The following PUM2 variants were observed in gnomAD, a reference collection of about 807,000 sequenced individuals.
The protein encoded by PUM2 is pumilio homolog 2.
A neutral mutation model predicts 124.5 loss-of-function variants in PUM2; 57 were observed. The observed-to-expected ratio is 0.46, with a 90% CI of 0.37 to 0.57. PUM2 has a LOEUF of 0.57. Among genes scored for constraint, PUM2 ranks in the 20% least tolerant of loss-of-function variants. The pLI, the probability that PUM2 is intolerant of heterozygous loss-of-function variation, is 0.00. For synonymous variants in PUM2, 460 were observed against 446.1 expected (o/e 1.03, Z -0.39); for missense variants, 1,065 against 1,290.6 (o/e 0.83, Z 2.68).
chr2:20,316,899 C>T (rs954022312), intron 3 of PUM2, among the ~76,000 whole-genome samples: 5 of 151,914 alleles, frequency 3.3e-5, no homozygotes, highest in East Asian at 1.9e-4. Context: ...GCTGTGGTAG[C>T]GAGCACCTAT....
intron 2 of PUM2, 152 bp downstream of exon 2, chr2:20,327,158 C>T (rs1238456127): frequency 1.8e-6 from 1 of 554,510 alleles, no homozygotes; most frequent in Non-Finnish European, 3.1e-6. Context: ...AAAATCACAA[C>T]AGAATTGTAC....
At chr2:20,313,835 CAAAAAAAAAAAAAA>C (rs35569645) in intron 3 of PUM2, among the ~76,000 whole-genome samples, 4 of 55,028 alleles carry the variant, frequency 7.3e-5, no homozygotes, top group Admixed American at 2.9e-4. Context: ...GATCCTGTCT[CAAAAAAAAAAAAAA>C]AAAAAAAAAA....
At chr2:20,257,167 T>C (rs1319366321) in intron 16 of PUM2, among the ~76,000 whole-genome samples, 1 of 151,602 alleles carries the variant, frequency 6.6e-6, no homozygotes, top group African/African-American at 2.4e-5. Context: ...TTTAAAAATA[T>C]CTATACCAGT....
At chr2:20,274,097 T>A (rs1004172363) in intron 13 of PUM2, among the ~76,000 whole-genome samples, 7 of 152,142 alleles carry the variant, frequency 4.6e-5, no homozygotes, top group Admixed American at 6.5e-5. Context: ...ATTCACTGGT[T>A]TGGGAAAGTC....
At chr2:20,265,787 A>G (rs1186345956) in intron 13 of PUM2, among the ~76,000 whole-genome samples, 2 of 152,116 alleles carry the variant, frequency 1.3e-5, no homozygotes, top group Admixed American at 1.3e-4. Context: ...TATTTTTCAC[A>G]CAAATTTCTT....
intron 3 of PUM2, among the ~76,000 whole-genome samples, chr2:20,315,734 G>A (rs1162852075): frequency 6.6e-6 from 1 of 151,214 alleles, no homozygotes; most frequent in Non-Finnish European, 1.5e-5. Context: ...GCTGAGGCAG[G>A]TGGATTGTTT....
At chr2:20,300,236 G>C (rs563939141) in intron 7 of PUM2, among the ~76,000 whole-genome samples, 2 of 151,674 alleles carry the variant, frequency 1.3e-5, no homozygotes, top group African/African-American at 4.8e-5. Context: ...CACAACCTCC[G>C]CCTCCCGGGT....
At position 20,308,567 on chromosome 2, in the gene PUM2, C is replaced by T. The variant is rs372196772; in HGVS notation, c.536G>A (p.Arg179His). 3.6e-5 allele frequency: 58 copies of T among 1,612,178 alleles called. No individual in the cohort carries two copies. The highest frequency in any genetic ancestry group is 1.6e-4 in the Middle Eastern group (1 of 6,062). Reference protein sequence around the residue: ...CKDFNRTPGSRQASPTEVVER... With the variant: ...CKDFNRTPGSHQASPTEVVER... ...AACTACTTCAGTTGGAGAGGCTTGA[C>T]GACTTCCAGGAGTACGACTACATAA... The change falls in exon 6 of 21, where the codon CGT becomes CAT. Residue 179 changes from arginine to histidine, a missense_variant. Arg to His is a conservative substitution (Grantham distance 29). Around this residue, in one of 3 missense-constraint regions of PUM2, gnomAD observed 968 missense variants for 1,159.8 expected, o/e 0.83. Coordinates refer to ENST00000361078, the MANE Select transcript of PUM2 (RefSeq NM_015317.5).
intron 7 of PUM2, among the ~76,000 whole-genome samples, chr2:20,299,598 G>C (rs979756082): frequency 6.6e-6 from 1 of 152,126 alleles, no homozygotes; most frequent in Non-Finnish European, 1.5e-5. Context: ...AACCCAGGAG[G>C]TGGAGGTTGC....
intron 1 of PUM2, among the ~76,000 whole-genome samples, chr2:20,338,106 G>A (rs1446066804): frequency 2.6e-5 from 4 of 152,022 alleles, no homozygotes; most frequent in African/African-American, 4.8e-5. Context: ...TGCCAATTAC[G>A]CTACTCTCTA....
At chr2:20,307,917 G>A in intron 7 of PUM2, 61 bp downstream of exon 7, 1 of 1,561,018 alleles carries the variant, frequency 6.4e-7, no homozygotes, top group Admixed American at 1.8e-5. Flanking sequence ...TAAACGAAAA[G>A]TGAAACATCC....
intron 9 of PUM2, 107 bp downstream of exon 9, chr2:20,294,269 G>T: frequency 2.4e-6 from 3 of 1,249,644 alleles, no homozygotes; most frequent in Non-Finnish European, 3.4e-6. Context: ...GCCAGGAGTC[G>T]TGTTACACAG....
At chr2:20,335,487 G>T (rs185884252) in intron 1 of PUM2, among the ~76,000 whole-genome samples, 2 of 152,264 alleles carry the variant, frequency 1.3e-5, no homozygotes, top group African/African-American at 2.4e-5. Flanking sequence ...CCAACTCTTG[G>T]TAATTTCTTA....
At chr2:20,294,686 G>T (rs1675091284) in intron 8 of PUM2, among the ~76,000 whole-genome samples, 168 bp from the exon 9 acceptor site, 1 of 152,176 alleles carries the variant, frequency 6.6e-6, no homozygotes, top group South Asian at 2.1e-4. Context: ...TGGTCTTAAA[G>T]GGAAAAGATG....
At chr2:20,257,223 T>C (rs1186581257) in intron 16 of PUM2, among the ~76,000 whole-genome samples, 1 of 152,134 alleles carries the variant, frequency 6.6e-6, no homozygotes, top group African/African-American at 2.4e-5. Flanking sequence ...AATAATTAAA[T>C]GTGTTTATAT....
intron 1 of PUM2, among the ~76,000 whole-genome samples, chr2:20,350,011 C>T (rs975863683): frequency 2.6e-5 from 4 of 152,184 alleles, no homozygotes; most frequent in African/African-American, 9.7e-5. Context: ...TAGTAGAAGC[C>T]GCTAATCTTG....
Position 20,308,526 on chromosome 2 carries a change from T to C in PUM2, c.577A>G (p.Asn193Asp). 1 of 1,614,090 alleles carries C rather than the reference T, an allele frequency of 6.2e-7. No individual in the cohort carries two copies. ...PTEVVERLGP[N>D]TNPSEGLGPL... ...CCCAGTCCTTCTGAGGGATTAGTATTGGGGCCCAAGCGCTCAACTACTTCA... is the reference window on the plus strand; with the variant it reads ...CCCAGTCCTTCTGAGGGATTAGTATCGGGGCCCAAGCGCTCAACTACTTCA... The change falls in exon 6 of 21, where the codon AAT becomes GAT. Residue 193 changes from asparagine (N) to aspartate (D), a missense_variant. Asn to Asp is a conservative substitution (Grantham distance 23). Transcript: ENST00000361078.
At chr2:20,252,859 A>G (rs1663784178) in intron 20 of PUM2, among the ~76,000 whole-genome samples, 1 of 152,262 alleles carries the variant, frequency 6.6e-6, no homozygotes, top group African/African-American at 2.4e-5. Flanking sequence ...TCAACCACTG[A>G]TCAAAAATAT....
chr2:20,325,045 C>G (rs1337327622), intron 2 of PUM2, among the ~76,000 whole-genome samples: 1 of 151,228 alleles, frequency 6.6e-6, no homozygotes, highest in Admixed American at 6.6e-5. Flanking sequence ...ACAAAAAAAC[C>G]TCACCTGTCA....
Sources: gnomAD v4.1 joint callset for allele counts (sites outside exome capture counted in the v4.1 genomes callset) on GRCh38, gnomAD v4.1.1 for gene constraint, gnomAD v4.1.1 regional missense constraint, MANE v1.5 for transcripts, NCBI Gene and HGNC (gene_info 2026-07-23, HGNC 2026-07-21) for gene names.